The following MCCC1 variants were observed in gnomAD, a reference collection of about 807,000 sequenced individuals.
MCCC1 encodes methylcrotonyl-CoA carboxylase subunit 1, also known as methylcrotonoyl-CoA carboxylase subunit alpha, mitochondrial.
Under a neutral mutation model 83.8 loss-of-function variants are expected in MCCC1, and 64 were observed. The ratio of observed to expected loss-of-function variants is 0.76; its 90% CI spans 0.62 to 0.94. MCCC1 has a LOEUF of 0.94. Among genes scored for constraint, MCCC1 ranks in the 40% least tolerant of loss-of-function variants. The pLI, the probability that MCCC1 is intolerant of heterozygous loss-of-function variation, is 0.00. For synonymous variants in MCCC1, 322 were observed against 315.4 expected (o/e 1.02, Z -0.22); for missense variants, 807 against 904.7 (o/e 0.89, Z 1.39).
intron 4 of MCCC1, among the ~76,000 whole-genome samples, chr3:183,076,980 T>A (rs1717122261): frequency 6.6e-6 from 1 of 152,228 alleles, no homozygotes; most frequent in African/African-American, 2.4e-5. Context: ...TGGAATCATA[T>A]AATACATGCA....
intron 16 of MCCC1, 63 bp downstream of exon 16, chr3:183,022,354 T>C: frequency 6.4e-7 from 1 of 1,572,812 alleles, no homozygotes. Flanking sequence ...TTCAGTGGAA[T>C]GTCTCTGGTC....
intron 1 of MCCC1, among the ~76,000 whole-genome samples, chr3:183,110,457 G>T (rs11921884): frequency 0.49 from 73,570 of 149,520 alleles, 21,415 homozygotes; most frequent in Non-Finnish European, 0.65. Flanking sequence ...GCAGTGCCGC[G>T]ATCTCAGCTC....
chr3:183,030,707 A>T (rs10937108), intron 14 of MCCC1, among the ~76,000 whole-genome samples: 33,620 of 152,160 alleles, frequency 0.22, 4,327 homozygotes, highest in East Asian at 0.58. Context: ...CAGCTTCTCA[A>T]CATACACACT....
At chr3:183,054,888 T>C (rs1715291750) in intron 8 of MCCC1, among the ~76,000 whole-genome samples, 1 of 152,214 alleles carries the variant, frequency 6.6e-6, no homozygotes, top group Admixed American at 6.5e-5. Flanking sequence ...GCCTACAGTA[T>C]TGAGTACAGT....
At chr3:183,106,602 G>C (rs1438308733) in intron 1 of MCCC1, among the ~76,000 whole-genome samples, 1 of 151,908 alleles carries the variant, frequency 6.6e-6, no homozygotes, top group South Asian at 2.1e-4. Context: ...AGGTTCAAGC[G>C]ATTCTACTGC....
chr3:183,109,405 C>T (rs546682718), intron 1 of MCCC1, among the ~76,000 whole-genome samples: 1 of 152,260 alleles, frequency 6.6e-6, no homozygotes, highest in African/African-American at 2.4e-5. Context: ...TGCCTCCCTC[C>T]CACCATCTCT....
intron 2 of MCCC1, among the ~76,000 whole-genome samples, chr3:183,093,630 T>C (rs1273458244): frequency 2.0e-5 from 3 of 152,178 alleles, no homozygotes; most frequent in South Asian, 4.1e-4. Context: ...ATAGAATCCA[T>C]AGGCTCAACA....
chr3:183,051,382 G>A (rs937857790), intron 9 of MCCC1, among the ~76,000 whole-genome samples: 5 of 152,124 alleles, frequency 3.3e-5, no homozygotes, highest in Non-Finnish European at 7.3e-5. Flanking sequence ...AGACATGGAG[G>A]AAACTTAAAT....
At chr3:183,023,939 G>C (rs1229822445) in intron 15 of MCCC1, among the ~76,000 whole-genome samples, 6 of 152,034 alleles carry the variant, frequency 3.9e-5, no homozygotes, top group Non-Finnish European at 8.8e-5. Context: ...CCCTTTTAGG[G>C]CATCCACAAA....
At chr3:183,054,268 C>T (rs1715243458) in intron 8 of MCCC1, among the ~76,000 whole-genome samples, 2 of 150,428 alleles carry the variant, frequency 1.3e-5, no homozygotes, top group African/African-American at 4.9e-5. Flanking sequence ...TCACTGCAAG[C>T]TCCGCCTCCC....
intron 13 of MCCC1, 77 bp downstream of exon 13, chr3:183,037,141 C>T: frequency 7.4e-7 from 1 of 1,355,704 alleles, no homozygotes; most frequent in Non-Finnish European, 1.1e-6. Flanking sequence ...GGTCAGTGTG[C>T]CATACAGAAA....
At chr3:183,093,107 T>G (rs1488851123) in intron 2 of MCCC1, among the ~76,000 whole-genome samples, 7 of 152,138 alleles carry the variant, frequency 4.6e-5, no homozygotes, top group Non-Finnish European at 8.8e-5. Context: ...TTGGCCAGGC[T>G]GGTCTCGAAC....
chr3:183,107,509 T>A (rs1439300582), intron 1 of MCCC1, among the ~76,000 whole-genome samples: 8 of 150,686 alleles, frequency 5.3e-5, no homozygotes, highest in East Asian at 1.9e-4. Context: ...CTGTTTTGTT[T>A]TTATTATTAT....
intron 1 of MCCC1, chr3:183,098,551 C>T (rs1410028525): frequency 1.3e-5 from 2 of 152,256 alleles, no homozygotes; most frequent in Admixed American, 6.5e-5. Flanking sequence ...AGTCTGTGCC[C>T]TTGAACACTA....
intron 1 of MCCC1, among the ~76,000 whole-genome samples, chr3:183,113,248 G>A (rs1719529853): frequency 2.0e-5 from 3 of 151,456 alleles, no homozygotes; most frequent in African/African-American, 7.3e-5. Flanking sequence ...AAATTAACTG[G>A]GCTTAGTGGT....
chr3:183,051,091 A>T (rs55838335), intron 9 of MCCC1, among the ~76,000 whole-genome samples: 2 of 152,176 alleles, frequency 1.3e-5, no homozygotes, highest in Admixed American at 1.3e-4. Context: ...TAGTACTGTC[A>T]CTTTAGAATA....
At chr3:183,071,519 AGTTT>A (rs1389498797) in intron 5 of MCCC1, among the ~76,000 whole-genome samples, 162 bp from the exon 6 acceptor site, 1 of 152,228 alleles carries the variant, frequency 6.6e-6, no homozygotes. Flanking sequence ...TCTATTAGTT[AGTTT>A]CCCTCATTTC....
At chr3:183,073,823 A>G (rs1190843569) in intron 4 of MCCC1, among the ~76,000 whole-genome samples, 1 of 152,232 alleles carries the variant, frequency 6.6e-6, no homozygotes, top group Non-Finnish European at 1.5e-5. Context: ...TCTCTTTAGC[A>G]TAAGTGAATT....
At chr3:183,076,408 C>T (rs536072355) in intron 4 of MCCC1, among the ~76,000 whole-genome samples, 36 of 152,304 alleles carry the variant, frequency 2.4e-4, no homozygotes, top group Admixed American at 2.3e-3. Context: ...GGATATACCA[C>T]ATTTTGTTTA....
Sources: gnomAD v4.1 joint callset for allele counts (sites outside exome capture counted in the v4.1 genomes callset) on GRCh38, gnomAD v4.1.1 for gene constraint, MANE v1.5 for transcripts, NCBI Gene and HGNC (gene_info 2026-07-23, HGNC 2026-07-21) for gene names.